PRKG1: variants seen among roughly 807,000 people sequenced by gnomAD.
PRKG1 encodes cGMP-dependent protein kinase 1.
A neutral mutation model predicts 88.1 loss-of-function variants in PRKG1; 35 were observed. The ratio of observed to expected loss-of-function variants is 0.40; its 90% CI spans 0.30 to 0.53. PRKG1 has a LOEUF of 0.53. Among genes scored for constraint, PRKG1 ranks in the 20% least tolerant of loss-of-function variants. The pLI is 0.59. For missense variants in PRKG1, 540 were observed against 839.8 expected, an observed-to-expected ratio of 0.64 and a Z score of 4.41; for synonymous variants, 303 against 292.5, an observed-to-expected ratio of 1.04 and a Z score of -0.37.
At chr10:51,404,479 G>A (rs1272773939) in intron 2 of PRKG1, among the ~76,000 whole-genome samples, 2 of 152,208 alleles carry the variant, frequency 1.3e-5, no homozygotes, top group Non-Finnish European at 2.9e-5. Flanking sequence ...TGGGCCTGAA[G>A]TGGAAATATC....
intron 3 of PRKG1, among the ~76,000 whole-genome samples, chr10:51,594,046 T>C (rs1838379445): frequency 6.6e-6 from 1 of 151,890 alleles, no homozygotes; most frequent in Non-Finnish European, 1.5e-5. Context: ...TTTTTAAGAA[T>C]TAGGGTCTTA....
At chr10:51,329,948 A>G (rs980594991) in intron 2 of PRKG1, among the ~76,000 whole-genome samples, 1 of 116,188 alleles carries the variant, frequency 8.6e-6, no homozygotes, top group Admixed American at 8.9e-5. Context: ...TTTTTTTTGG[A>G]TTAGATATGA....
In PRKG1 at chr10:51,454,099, CACAA is replaced by C. The variant is rs1839513130; in HGVS notation, c.479-13618_479-13615del. 4.6e-5 allele frequency among the ~76,000 whole-genome samples: 7 copies of C among 152,006 alleles called. No homozygotes were observed. In the South Asian group the frequency reaches 1.5e-3, roughly 32 times the overall value. ...CACTGCTGAAAGAAATCATCAACAG[CACAA>C]ACAAATGGAAACACATCCCATGCTC... On this transcript the variant is annotated intron_variant, in intron 2 of 17. Transcript: ENST00000373980.
At chr10:50,995,556 T>C (rs767333553) in intron 1 of PRKG1, among the ~76,000 whole-genome samples, 8 of 152,236 alleles carry the variant, frequency 5.3e-5, no homozygotes, top group Non-Finnish European at 8.8e-5. Context: ...ATACTGTTTT[T>C]CTGCCAAAGA....
intron 3 of PRKG1, among the ~76,000 whole-genome samples, chr10:51,664,518 C>T (rs1419606548): frequency 6.6e-6 from 1 of 152,132 alleles, no homozygotes; most frequent in East Asian, 1.9e-4. Context: ...CATTTTGCAT[C>T]TAGTCTATTG....
At chr10:52,202,315 G>A (rs983117703) in intron 9 of PRKG1, among the ~76,000 whole-genome samples, 12 of 152,056 alleles carry the variant, frequency 7.9e-5, no homozygotes, top group Non-Finnish European at 1.0e-4. Context: ...TATGGTTTTC[G>A]TTTTTAATTC....
intron 2 of PRKG1, among the ~76,000 whole-genome samples, chr10:51,228,743 A>T (rs1838759558): frequency 6.6e-6 from 1 of 152,168 alleles, no homozygotes; most frequent in Non-Finnish European, 1.5e-5. Context: ...GGAATTAAGT[A>T]ATCATTTTCC....
intron 1 of PRKG1, among the ~76,000 whole-genome samples, chr10:51,115,836 G>A (rs1351814610): frequency 4.5e-4 from 59 of 131,286 alleles, no homozygotes; most frequent in South Asian, 5.2e-4. Context: ...ACTCCATCTC[G>A]AAAAAAAAAA....
chr10:51,285,295 T>G (rs953578037), intron 2 of PRKG1, among the ~76,000 whole-genome samples: 1 of 152,158 alleles, frequency 6.6e-6, no homozygotes, highest in Non-Finnish European at 1.5e-5. Context: ...TTCCCTATAC[T>G]ATAAAACATT....
chr10:51,906,122 A>G (rs1842080407), intron 4 of PRKG1, among the ~76,000 whole-genome samples: 1 of 152,072 alleles, frequency 6.6e-6, no homozygotes, highest in African/African-American at 2.4e-5. Context: ...TCATCAATCA[A>G]CCTGTGTCTT....
intron 5 of PRKG1, among the ~76,000 whole-genome samples, chr10:52,037,090 G>T (rs1277894987): frequency 2.0e-5 from 3 of 152,268 alleles, no homozygotes; most frequent in East Asian, 1.9e-4. Flanking sequence ...CAGAGTTCCA[G>T]GGGCTCTGGG....
At chr10:51,089,953 C>A (rs2131863042) in intron 1 of PRKG1, among the ~76,000 whole-genome samples, 1 of 152,258 alleles carries the variant, frequency 6.6e-6, no homozygotes, top group Non-Finnish European at 1.5e-5. Context: ...CCACTGACTC[C>A]TGTGATTCAG....
chr10:52,104,553 G>C (rs965505161), intron 7 of PRKG1, among the ~76,000 whole-genome samples: 2 of 151,944 alleles, frequency 1.3e-5, no homozygotes, highest in African/African-American at 2.4e-5. Context: ...CATGAATAAG[G>C]CCACCTCTGC....
intron 5 of PRKG1, among the ~76,000 whole-genome samples, chr10:52,024,398 T>C (rs1397825120): frequency 6.6e-6 from 1 of 152,126 alleles, no homozygotes; most frequent in Non-Finnish European, 1.5e-5. Context: ...TTAACATGTG[T>C]ATACATGTGC....
At chr10:51,578,465 G>A (rs148634976) in intron 3 of PRKG1, among the ~76,000 whole-genome samples, 183 of 152,150 alleles carry the variant, frequency 1.2e-3, no homozygotes, top group Admixed American at 1.2e-3. Context: ...GTCATGACTG[G>A]ATTTTTCATG....
At chr10:51,452,664 T>C (rs1375974260) in intron 2 of PRKG1, among the ~76,000 whole-genome samples, 3 of 152,030 alleles carry the variant, frequency 2.0e-5, no homozygotes, top group Non-Finnish European at 2.9e-5. Flanking sequence ...GTGGATTATC[T>C]TTTTCATATG....
chr10:51,656,764 C>G (rs2132323202), intron 3 of PRKG1, among the ~76,000 whole-genome samples: 1 of 152,254 alleles, frequency 6.6e-6, no homozygotes, highest in Middle Eastern at 3.4e-3. Flanking sequence ...TTTCCTTCCT[C>G]AAGATACTCA....
At chr10:51,515,139 T>C (rs1056540648) in intron 3 of PRKG1, among the ~76,000 whole-genome samples, 5 of 152,122 alleles carry the variant, frequency 3.3e-5, no homozygotes, top group Admixed American at 3.3e-4. Context: ...ATAAATAACT[T>C]TAGGTTTATA....
At chr10:51,971,650 T>G (rs886802854) in intron 5 of PRKG1, among the ~76,000 whole-genome samples, 5 of 152,156 alleles carry the variant, frequency 3.3e-5, no homozygotes, top group African/African-American at 1.2e-4. Context: ...TATCTATCTT[T>G]TGTTAATGGA....
Sources: allele counts gnomAD v4.1 joint callset (sites outside exome capture counted in the v4.1 genomes callset), GRCh38; gene constraint gnomAD v4.1.1; transcripts MANE v1.5; gene names NCBI Gene and HGNC (gene_info 2026-07-23, HGNC 2026-07-21).